The following POU6F2 variants were observed in gnomAD, a reference collection of about 807,000 sequenced individuals.
The protein encoded by POU6F2 is POU class 6 homeobox 2.
A neutral mutation model predicts 71.3 loss-of-function variants in POU6F2; 31 were observed. That is an observed-to-expected ratio of 0.43 (90% CI 0.33 to 0.59). The LOEUF (loss-of-function observed/expected upper bound fraction) is 0.59. Ranked by LOEUF, POU6F2 falls within the 20% of genes least tolerant of loss-of-function variation. The probability of loss-of-function intolerance (pLI) is 0.04; values close to 1 mark genes in which losing one functional copy is unlikely to be tolerated. For missense variants in POU6F2, 783 were observed against 856.8 expected (o/e 0.91, Z 1.07); for synonymous variants, 347 against 355.7 (o/e 0.98, Z 0.27).
intron 2 of POU6F2, among the ~76,000 whole-genome samples, chr7:39,198,320 A>G (rs1419125231): frequency 1.3e-5 from 2 of 152,242 alleles, no homozygotes; most frequent in Non-Finnish European, 2.9e-5. Context: ...AAACATCTTC[A>G]GTCCAAATAA....
At chr7:39,176,053 T>A (rs1793322487) in intron 2 of POU6F2, among the ~76,000 whole-genome samples, 1 of 152,200 alleles carries the variant, frequency 6.6e-6, no homozygotes. Context: ...CTTCCTTCAG[T>A]GTATTCCCTC....
At chr7:39,239,038 CATT>C (rs1794727723) in intron 4 of POU6F2, among the ~76,000 whole-genome samples, 1 of 152,112 alleles carries the variant, frequency 6.6e-6, no homozygotes, top group South Asian at 2.1e-4. Context: ...TCTATACCTC[CATT>C]ACTTAGCACA....
intron 4 of POU6F2, among the ~76,000 whole-genome samples, chr7:39,253,072 A>G (rs1783957892): frequency 6.6e-6 from 1 of 152,200 alleles, no homozygotes; most frequent in Admixed American, 6.5e-5. Context: ...GCAGGAAGGA[A>G]TGCATCCACG....
At chr7:39,260,249 C>T (rs939784533) in intron 4 of POU6F2, among the ~76,000 whole-genome samples, 18 of 148,248 alleles carry the variant, frequency 1.2e-4, no homozygotes, top group Non-Finnish European at 6.0e-5. Flanking sequence ...ACCACACCCC[C>T]GACACACACA....
In POU6F2 at chr7:39,418,577, C is replaced by G. The variant is rs375063965; in HGVS notation, c.1113+11837C>G. Among the ~76,000 whole-genome samples, 9 of 151,960 alleles carry G rather than the reference C, an allele frequency of 5.9e-5. No homozygotes were observed. The East Asian group carries it at 1.5e-3, about 26-fold the overall frequency. On this transcript the variant is annotated intron_variant, in intron 6 of 9. Transcript: ENST00000518318. Reference sequence around the variant, plus strand: ...TAGAGGCAGGCACCTGTAGTCCCAGCTACTTGGGAAGCTGAGGCAAGAGAA... The same window carrying G: ...TAGAGGCAGGCACCTGTAGTCCCAGGTACTTGGGAAGCTGAGGCAAGAGAA...
At chr7:39,028,828 C>G (rs185395632) in intron 1 of POU6F2, among the ~76,000 whole-genome samples, 1 of 151,646 alleles carries the variant, frequency 6.6e-6, no homozygotes, top group East Asian at 1.9e-4. Context: ...TTTTTTGAAA[C>G]AGGGTCTTAC....
At chr7:39,068,946 C>T (rs1013892712) in intron 1 of POU6F2, among the ~76,000 whole-genome samples, 4 of 152,162 alleles carry the variant, frequency 2.6e-5, no homozygotes, top group Admixed American at 6.5e-5. Flanking sequence ...AGGAAGGATC[C>T]GGAAATCTAT....
chr7:39,314,985 A>G (rs1215242933), intron 4 of POU6F2, among the ~76,000 whole-genome samples: 4 of 152,036 alleles, frequency 2.6e-5, no homozygotes, highest in African/African-American at 7.3e-5. Flanking sequence ...CAAAACTTCA[A>G]CCTCTGTGGT....
intron 4 of POU6F2, among the ~76,000 whole-genome samples, chr7:39,290,823 A>G (rs372167038): frequency 2.6e-5 from 4 of 152,286 alleles, no homozygotes; most frequent in African/African-American, 9.6e-5. Context: ...CCAGCTCATA[A>G]AAGACTTCAC....
At chr7:39,142,880 A>G (rs147980412) in intron 2 of POU6F2, among the ~76,000 whole-genome samples, 1 of 152,332 alleles carries the variant, frequency 6.6e-6, no homozygotes, top group East Asian at 1.9e-4. Flanking sequence ...AAACATGTAA[A>G]TGTATATGGA....
At chr7:39,143,818 C>T (rs979171606) in intron 2 of POU6F2, among the ~76,000 whole-genome samples, 2 of 152,146 alleles carry the variant, frequency 1.3e-5, no homozygotes, top group African/African-American at 4.8e-5. Flanking sequence ...AGAGTTTAAA[C>T]ATTTATTATT....
intron 2 of POU6F2, among the ~76,000 whole-genome samples, chr7:39,144,193 G>A (rs1792566087): frequency 6.6e-6 from 1 of 152,086 alleles, no homozygotes; most frequent in Non-Finnish European, 1.5e-5. Flanking sequence ...CCTTGCTTCT[G>A]AATAAAGTCA....
At chr7:39,178,557 G>A (rs1402979968) in intron 2 of POU6F2, among the ~76,000 whole-genome samples, 1 of 152,114 alleles carries the variant, frequency 6.6e-6, no homozygotes, top group Non-Finnish European at 1.5e-5. Flanking sequence ...ACCCGGAGAG[G>A]CTGTATTATT....
intron 4 of POU6F2, among the ~76,000 whole-genome samples, chr7:39,305,159 T>C (rs766936578): frequency 1.4e-4 from 21 of 152,258 alleles, no homozygotes; most frequent in Non-Finnish European, 2.5e-4. Flanking sequence ...AGTGCTGAGA[T>C]AGGCTCTTTA....
chr7:39,192,381 C>T (rs1793687650), intron 2 of POU6F2, among the ~76,000 whole-genome samples: 1 of 152,064 alleles, frequency 6.6e-6, no homozygotes, highest in African/African-American at 2.4e-5. Context: ...GCTTTGGCTA[C>T]TTTTGTAAAG....
At chr7:39,165,747 G>A (rs988540305) in intron 2 of POU6F2, among the ~76,000 whole-genome samples, 8 of 152,162 alleles carry the variant, frequency 5.3e-5, no homozygotes, top group Non-Finnish European at 1.0e-4. Flanking sequence ...TTAAGAAAAA[G>A]AAGAGGGGGG....
At chr7:39,156,672 A>C (rs1260811892) in intron 2 of POU6F2, among the ~76,000 whole-genome samples, 2 of 152,120 alleles carry the variant, frequency 1.3e-5, no homozygotes, top group Non-Finnish European at 2.9e-5. Context: ...ACAGTCATTC[A>C]TCTTGTTTAT....
chr7:39,397,479 CATATAT>C (rs138498102), intron 5 of POU6F2, among the ~76,000 whole-genome samples: 16 of 142,502 alleles, frequency 1.1e-4, no homozygotes, highest in Admixed American at 2.1e-4. Flanking sequence ...TAGAGAGAGA[CATATAT>C]ATATATATAT....
chr7:39,424,484 C>T (rs998403372), intron 6 of POU6F2, among the ~76,000 whole-genome samples: 5 of 152,128 alleles, frequency 3.3e-5, no homozygotes, highest in Admixed American at 3.3e-4. Flanking sequence ...AATTTTAAAA[C>T]ATGTGTTCGT....
Sources: allele counts gnomAD v4.1 joint callset (sites outside exome capture counted in the v4.1 genomes callset), GRCh38; gene constraint gnomAD v4.1.1; transcripts MANE v1.5; gene names NCBI Gene and HGNC (gene_info 2026-07-23, HGNC 2026-07-21).